FGF14: variants seen among roughly 807,000 people sequenced by gnomAD.
FGF14 encodes the protein fibroblast growth factor homologous factor 4.
Under a neutral mutation model 25.5 loss-of-function variants are expected in FGF14, and 5 were observed. That is an observed-to-expected ratio of 0.20 (90% CI 0.10 to 0.41). The LOEUF (loss-of-function observed/expected upper bound fraction) is 0.41, where lower values mean the gene tolerates loss of function less well. Among genes scored for constraint, FGF14 ranks in the 10% least tolerant of loss-of-function variants. The probability of loss-of-function intolerance (pLI) is 1.00; values close to 1 mark genes in which losing one functional copy is unlikely to be tolerated. For missense variants in FGF14, 222 were observed against 320.1 expected, an observed-to-expected ratio of 0.69 and a Z score of 2.34; for synonymous variants, 138 against 118.3, an observed-to-expected ratio of 1.17 and a Z score of -1.08.
chr13:101,765,598 A>T (rs1013186348), intron 3 of FGF14, among the ~76,000 whole-genome samples: 1 of 152,192 alleles, frequency 6.6e-6, no homozygotes. Context: ...TTACTTGCCA[A>T]ATATGTATTT....
At chr13:102,069,278 C>T (rs1278591588) in intron 1 of FGF14, among the ~76,000 whole-genome samples, 5 of 152,104 alleles carry the variant, frequency 3.3e-5, no homozygotes, top group Non-Finnish European at 5.9e-5. Context: ...CTGTTGGGGA[C>T]ATGGAGAACC....
In FGF14 at chr13:101,968,627, C is replaced by T. The variant is rs1454993544; in HGVS notation, c.209-93331G>A. 7.6e-5 allele frequency among the ~76,000 whole-genome samples: 11 copies of T among 144,896 alleles called. No homozygotes were observed. The East Asian group carries it at 8.5e-4, about 11-fold the overall frequency. On this transcript the variant is annotated intron_variant, in intron 1 of 4. Transcript: ENST00000376131. ...GACGGAGCTTGCAGTGAGCTGAGAT[C>T]GTGCCACTGCAATCCAGCCTGGGCG... is the stretch of plus-strand genomic sequence containing the variant.
rs1262868147 is a variant in FGF14, at chr13:101,726,900, G to A, written c.409-90C>T. 5.1e-6 allele frequency: 5 copies of A among 980,380 alleles called. No individual in the cohort carries two copies. The African/African-American group carries it at 6.5e-5, about 13-fold the overall frequency. The allele number at this position is 980,380 out of a possible 1,614,324, so 60.7% of individuals were successfully genotyped here. A position where few individuals can be genotyped will look rare whatever the true frequency, so the allele number is the denominator to read the frequency against. ...ATTCTCTAGAAAGTTTCCCAGCATG[G>A]TGAAAGAGTGCTTTGGCATGGAGGA... On this transcript the variant is annotated intron_variant, in intron 3 of 4. Transcript: ENST00000376143.
chr13:102,336,859 CAGCAAAACTGTTTAT>C (rs1429300662), intron 1 of FGF14, among the ~76,000 whole-genome samples: 2 of 152,302 alleles, frequency 1.3e-5, no homozygotes, highest in African/African-American at 4.8e-5. Flanking sequence ...GCCTGAATGA[CAGCAAAACTGTTTAT>C]AGCACAGTTT....
chr13:101,928,092 C>T (rs570448256), intron 1 of FGF14, among the ~76,000 whole-genome samples: 17 of 152,288 alleles, frequency 1.1e-4, no homozygotes, highest in African/African-American at 3.8e-4. Flanking sequence ...GCCCTGTGGG[C>T]AGAGGCTTGT....
intron 3 of FGF14, among the ~76,000 whole-genome samples, chr13:101,740,019 C>T (rs1379559711): frequency 6.6e-6 from 1 of 152,222 alleles, no homozygotes; most frequent in Non-Finnish European, 1.5e-5. Flanking sequence ...CTGCTCTGTT[C>T]TGTTTCACTC....
chr13:101,880,006 G>T (rs966079651), intron 1 of FGF14, among the ~76,000 whole-genome samples: 9 of 152,084 alleles, frequency 5.9e-5, no homozygotes, highest in African/African-American at 2.2e-4. Flanking sequence ...AAAATTAAAG[G>T]CATGGGAAAA....
chr13:101,967,576 A>T (rs536194434), intron 1 of FGF14: 2 of 152,632 alleles, frequency 1.3e-5, no homozygotes, highest in Admixed American at 1.3e-4. Flanking sequence ...ATAAGTAAGC[A>T]CATCTGTTTT....
chr13:101,792,947 A>G (rs2140098792), intron 3 of FGF14, among the ~76,000 whole-genome samples: 1 of 152,254 alleles, frequency 6.6e-6, no homozygotes, highest in Non-Finnish European at 1.5e-5. Flanking sequence ...TCTGAATACA[A>G]TGTGGAATTA....
intron 1 of FGF14, among the ~76,000 whole-genome samples, chr13:102,099,320 T>C (rs1465084424): frequency 6.6e-6 from 1 of 152,192 alleles, no homozygotes; most frequent in African/African-American, 2.4e-5. Context: ...AAATGGGGTA[T>C]TTACGTGCAG....
intron 1 of FGF14, among the ~76,000 whole-genome samples, chr13:102,014,589 A>G (rs2040241751): frequency 6.6e-6 from 1 of 152,194 alleles, no homozygotes; most frequent in Non-Finnish European, 1.5e-5. Context: ...ATCAAGAGTT[A>G]CATTCAACTT....
chr13:102,060,477 G>A (rs2042634672), intron 1 of FGF14, among the ~76,000 whole-genome samples: 1 of 152,230 alleles, frequency 6.6e-6, no homozygotes. Context: ...AGTGAGCCGA[G>A]ATCGCGCCAC....
In FGF14 at chr13:102,013,082, G is replaced by C. The variant is rs114562601; in HGVS notation, c.209-137786C>G. ...AGGCAGAAAGATTGCTTGAGCCCAG[G>C]GGGTGAAGGATACAGTGAGATATGA... On this transcript the variant is annotated intron_variant, in intron 1 of 4. Coordinates refer to the FGF14 transcript ENST00000376131. Among the ~76,000 whole-genome samples the C allele has an allele frequency of 5.0e-3, 761 of 152,166 alleles. 11 individuals are homozygous for C. Among genetic ancestry groups the C allele is most frequent in the African/African-American group, 0.018 (727 of 41,530 alleles).
intron 1 of FGF14, among the ~76,000 whole-genome samples, chr13:102,308,182 T>A (rs1309363258): frequency 6.6e-6 from 1 of 152,098 alleles, no homozygotes; most frequent in African/African-American, 2.4e-5. Context: ...AAGCCAGATA[T>A]CTCCCTAAGA....
chr13:102,057,085 CTTAA>C (rs1167514296), intron 1 of FGF14, among the ~76,000 whole-genome samples: 18 of 151,386 alleles, frequency 1.2e-4, no homozygotes, highest in African/African-American at 2.9e-4. Flanking sequence ...TTTATATTAG[CTTAA>C]TTAGTGATTT....
rs576737602 is a variant in FGF14, at chr13:102,157,167, C to T, written c.208+244304G>A. Among the ~76,000 whole-genome samples the T allele has an allele frequency of 3.0e-3, 456 of 152,246 alleles. 4 individuals are homozygous for T. The highest frequency in any genetic ancestry group is 0.014 in the Middle Eastern group (4 of 294). On this transcript the variant is annotated intron_variant, in intron 1 of 4. Coordinates refer to the FGF14 transcript ENST00000376131. ...AATTGGAAAAAACTACTTTAAAGTT[C>T]ATATGGAACCAAAAAAGAGCCCACA...
intron 1 of FGF14, among the ~76,000 whole-genome samples, chr13:102,384,570 C>A (rs2058258693): frequency 6.6e-6 from 1 of 152,166 alleles, no homozygotes; most frequent in Non-Finnish European, 1.5e-5. Flanking sequence ...GAATTTTATG[C>A]CCTGCAGGAA....
intron 1 of FGF14, among the ~76,000 whole-genome samples, chr13:102,023,043 GACACACACAC>G (rs59221538): frequency 3.4e-4 from 50 of 146,300 alleles, no homozygotes; most frequent in Middle Eastern, 6.9e-3. Context: ...AATATTTTCG[GACACACACAC>G]ACACACACAC....
At chr13:102,349,137 C>T (rs2057199647) in intron 1 of FGF14, among the ~76,000 whole-genome samples, 1 of 152,126 alleles carries the variant, frequency 6.6e-6, no homozygotes, top group South Asian at 2.1e-4. Context: ...GGAAAGCTCC[C>T]CACAACAAAG....
Sources: gnomAD v4.1 joint callset for allele counts (sites outside exome capture counted in the v4.1 genomes callset) on GRCh38, gnomAD v4.1.1 for gene constraint, MANE v1.5 for transcripts, NCBI Gene and HGNC (gene_info 2026-07-23, HGNC 2026-07-21) for gene names.